CNTNAP2: variants seen among roughly 807,000 people sequenced by gnomAD.
CNTNAP2 encodes the protein contactin-associated protein-like 2.
CNTNAP2 carries 98 observed loss-of-function variants against 155.2 expected under a neutral mutation model. That is an observed-to-expected ratio of 0.63 (90% CI 0.54 to 0.75). CNTNAP2 has a LOEUF of 0.75. CNTNAP2 is among the 30% of genes least tolerant of loss of function. The pLI, the probability that CNTNAP2 is intolerant of heterozygous loss-of-function variation, is 0.00. For missense variants in CNTNAP2, 1,727 were observed against 1,688.1 expected (o/e 1.02, Z -0.40); for synonymous variants, 651 against 631.2 (o/e 1.03, Z -0.47).
In CNTNAP2 at chr7:147,411,794, A is replaced by C. The variant is rs932667133; in HGVS notation, c.1670+16014A>C. ...GAATTACAGTTTCATTCTAGGTGGT[A>C]ATATGCCTGCTAAAACTTTGAGGAT... On this transcript the variant is annotated intron_variant, in intron 10 of 23. Transcript: ENST00000361727. Among the ~76,000 whole-genome samples, 61 of 152,296 alleles carry C rather than the reference A, an allele frequency of 4.0e-4. 1 individual carries two copies. The highest frequency in any genetic ancestry group is 1.4e-3 in the African/African-American group (59 of 41,570).
chr7:148,179,845 C>G (rs748936976), intron 18 of CNTNAP2, among the ~76,000 whole-genome samples: 1 of 152,124 alleles, frequency 6.6e-6, no homozygotes, highest in Non-Finnish European at 1.5e-5. Flanking sequence ...CACGTTATAC[C>G]TCTAAGGAAG....
chr7:146,829,258 T>G (rs1803464551), intron 2 of CNTNAP2, among the ~76,000 whole-genome samples: 1 of 152,084 alleles, frequency 6.6e-6, no homozygotes, highest in Non-Finnish European at 1.5e-5. Flanking sequence ...TAGACAGATT[T>G]TCTTTTGTTT....
intron 18 of CNTNAP2, among the ~76,000 whole-genome samples, chr7:148,174,980 T>C (rs1014059287): frequency 2.0e-5 from 3 of 152,130 alleles, no homozygotes; most frequent in Admixed American, 6.5e-5. Flanking sequence ...ACTGTTCAGC[T>C]ACCAATTATG....
chr7:148,023,001 G>C (rs1457858622), intron 15 of CNTNAP2, among the ~76,000 whole-genome samples: 1 of 152,104 alleles, frequency 6.6e-6, no homozygotes, highest in Non-Finnish European at 1.5e-5. Context: ...ACTGTGCTCA[G>C]TCACTTCTTT....
intron 14 of CNTNAP2, among the ~76,000 whole-genome samples, chr7:147,915,147 C>T (rs1161248925): frequency 6.6e-5 from 10 of 152,132 alleles, no homozygotes; most frequent in Non-Finnish European, 2.9e-5. Flanking sequence ...TAAGAAAAAT[C>T]AGATCAAAGA....
chr7:147,382,038 T>A (rs1471343589), intron 9 of CNTNAP2, among the ~76,000 whole-genome samples: 2 of 152,108 alleles, frequency 1.3e-5, no homozygotes, highest in African/African-American at 4.8e-5. Flanking sequence ...AAATTAATTT[T>A]CATTAAATCA....
At chr7:146,648,530 T>C (rs1487877020) in intron 1 of CNTNAP2, among the ~76,000 whole-genome samples, 2 of 152,156 alleles carry the variant, frequency 1.3e-5, no homozygotes, top group Non-Finnish European at 2.9e-5. Flanking sequence ...AAAACTAATA[T>C]TTTCTTATCT....
chr7:147,922,070 T>C (rs1800291695), intron 14 of CNTNAP2, among the ~76,000 whole-genome samples: 1 of 152,240 alleles, frequency 6.6e-6, no homozygotes, highest in Non-Finnish European at 1.5e-5. Context: ...AGACTTCCCA[T>C]AGTGTATATC....
At chr7:147,871,820 C>T (rs1159253655) in intron 13 of CNTNAP2, among the ~76,000 whole-genome samples, 1 of 152,124 alleles carries the variant, frequency 6.6e-6, no homozygotes, top group East Asian at 1.9e-4. Flanking sequence ...GCACAATTTG[C>T]ACAGGCCAGC....
chr7:146,582,263 A>C (rs933968095), intron 1 of CNTNAP2, among the ~76,000 whole-genome samples: 1 of 152,146 alleles, frequency 6.6e-6, no homozygotes, highest in Non-Finnish European at 1.5e-5. Flanking sequence ...TGTCGTTTGC[A>C]TGCATATAGA....
intron 3 of CNTNAP2, among the ~76,000 whole-genome samples, chr7:146,970,605 T>A (rs2129233310): frequency 6.6e-6 from 1 of 152,038 alleles, no homozygotes; most frequent in South Asian, 2.1e-4. Flanking sequence ...ACTTTTACAC[T>A]GTTGGTGGGA....
intron 18 of CNTNAP2, among the ~76,000 whole-genome samples, chr7:148,176,052 A>G (rs1367160634): frequency 6.6e-6 from 1 of 152,038 alleles, no homozygotes; most frequent in African/African-American, 2.4e-5. Flanking sequence ...TTGTTGAACT[A>G]GGAAGACAGG....
chr7:147,504,695 A>C (rs1168210824), intron 11 of CNTNAP2, among the ~76,000 whole-genome samples: 1 of 115,974 alleles, frequency 8.6e-6, no homozygotes, highest in African/African-American at 3.0e-5. Context: ...TCTTAAAAAA[A>C]AAAAAACAAA....
At chr7:147,965,711 T>C (rs1408696396) in intron 14 of CNTNAP2, among the ~76,000 whole-genome samples, 1 of 152,144 alleles carries the variant, frequency 6.6e-6, no homozygotes, top group Non-Finnish European at 1.5e-5. Context: ...CTTCTTTGGT[T>C]CATTCTTCTT....
chr7:147,550,218 A>G (rs1799825667), intron 11 of CNTNAP2, among the ~76,000 whole-genome samples: 1 of 152,106 alleles, frequency 6.6e-6, no homozygotes, highest in Non-Finnish European at 1.5e-5. Context: ...TTTTTGAGAG[A>G]GCTGAGTGAT....
At chr7:146,835,974 A>G (rs1199259623) in intron 2 of CNTNAP2, among the ~76,000 whole-genome samples, 1 of 152,160 alleles carries the variant, frequency 6.6e-6, no homozygotes, top group Admixed American at 6.6e-5. Context: ...GCACAACCCC[A>G]TGAAGGTATA....
At chr7:147,524,330 C>T (rs951478114) in intron 11 of CNTNAP2, among the ~76,000 whole-genome samples, 33 of 152,094 alleles carry the variant, frequency 2.2e-4, no homozygotes, top group Admixed American at 1.8e-3. Context: ...GCGGAGGTTG[C>T]GGTGAGCCGA....
chr7:147,941,349 G>A (rs1418766877), intron 14 of CNTNAP2, among the ~76,000 whole-genome samples: 1 of 152,074 alleles, frequency 6.6e-6, no homozygotes, highest in Non-Finnish European at 1.5e-5. Flanking sequence ...CTTAGTAAAG[G>A]CTCGACATTA....
At chr7:148,030,610 C>CT (rs1389835618) in intron 15 of CNTNAP2, among the ~76,000 whole-genome samples, 1 of 148,340 alleles carries the variant, frequency 6.7e-6, no homozygotes, top group Admixed American at 6.7e-5. Flanking sequence ...GGGCCCATTC[C>CT]TTTGTTTGTA....
Sources: allele counts gnomAD v4.1 joint callset (sites outside exome capture counted in the v4.1 genomes callset), GRCh38; gene constraint gnomAD v4.1.1; transcripts MANE v1.5; gene names NCBI Gene and HGNC (gene_info 2026-07-23, HGNC 2026-07-21).